Variants in TCERG1L observed in about 807,000 individuals in gnomAD.
The protein encoded by TCERG1L is transcription elongation regulator 1-like protein.
Under a neutral mutation model 56.3 loss-of-function variants are expected in TCERG1L, and 37 were observed. The ratio of observed to expected loss-of-function variants is 0.66; its 90% CI spans 0.51 to 0.87. The LOEUF (loss-of-function observed/expected upper bound fraction) is 0.87. TCERG1L is among the 40% of genes least tolerant of loss of function. The probability of loss-of-function intolerance (pLI) is 0.00; values close to 1 mark genes in which losing one functional copy is unlikely to be tolerated. For missense variants in TCERG1L, 799 were observed against 774.2 expected (o/e 1.03, Z -0.38); for synonymous variants, 324 against 326.3 (o/e 0.99, Z 0.08).
chr10:131,200,184 G>T (rs1286158339), intron 4 of TCERG1L, among the ~76,000 whole-genome samples: 1 of 152,226 alleles, frequency 6.6e-6, no homozygotes, highest in Admixed American at 6.5e-5. Context: ...GCATTCACAT[G>T]TTGGGTATAT....
intron 9 of TCERG1L, among the ~76,000 whole-genome samples, chr10:131,115,888 C>T (rs1845455254): frequency 6.6e-6 from 1 of 152,192 alleles, no homozygotes; most frequent in Non-Finnish European, 1.5e-5. Context: ...GGAGCTGGGT[C>T]CCCATGGCAG....
At chr10:131,116,191 C>T (rs949573973) in intron 9 of TCERG1L, among the ~76,000 whole-genome samples, 2 of 152,188 alleles carry the variant, frequency 1.3e-5, no homozygotes, top group African/African-American at 2.4e-5. Context: ...ACAAAATCCC[C>T]CCGACCCCCA....
intron 9 of TCERG1L, among the ~76,000 whole-genome samples, chr10:131,106,766 C>T (rs1488464077): frequency 1.3e-5 from 2 of 152,196 alleles, no homozygotes; most frequent in African/African-American, 4.8e-5. Context: ...AAACCCCATT[C>T]ACATTCTTAA....
At position 131,163,143 on chromosome 10, in the gene TCERG1L, G is replaced by A; in HGVS notation, c.1013C>T (p.Thr338Ile). The change falls in exon 6 of 12, where the codon ACC (threonine) becomes ATC (isoleucine). Residue 338 changes from threonine (T) to isoleucine (I), a missense_variant. Coordinates refer to ENST00000368642, the MANE Select transcript of TCERG1L (RefSeq NM_174937.4). ...TTACCAGGGGGATCCGGGCACCGGG[G>A]TGGAGGCCACTGGCCTGTTGCCTCT... ...TARGNRPVAS[T>I]PVPGSPWCVV... 6.3e-7 allele frequency: 1 copy of A among 1,580,494 alleles called. No individual in the cohort carries two copies. The highest frequency in any genetic ancestry group is 1.2e-5 in the South Asian group (1 of 85,894).
chr10:131,168,365 G>A (rs931772112), intron 4 of TCERG1L, among the ~76,000 whole-genome samples: 2 of 152,198 alleles, frequency 1.3e-5, no homozygotes, highest in African/African-American at 4.8e-5. Flanking sequence ...GCTCTGCATG[G>A]GGCCAGCTGT....
At position 131,130,956 on chromosome 10, in the gene TCERG1L, T is replaced by C. The variant is rs536259970; in HGVS notation, c.1259+3423A>G. ...CACCATAAATATGGGGTAACTGAAT[T>C]ATATGAAAAGAGTACTGAAAACATG... On this transcript the variant is annotated intron_variant, in intron 8 of 11. Transcript: ENST00000368642. 5.1e-4 allele frequency among the ~76,000 whole-genome samples: 78 copies of C among 152,030 alleles called. 1 individual carries two copies. Among genetic ancestry groups the C allele is most frequent in the African/African-American group, 1.5e-3 (63 of 41,470 alleles).
intron 4 of TCERG1L, among the ~76,000 whole-genome samples, chr10:131,178,763 G>C (rs1202983646): frequency 6.6e-6 from 1 of 152,186 alleles, no homozygotes; most frequent in African/African-American, 2.4e-5. Flanking sequence ...GCATCTGCCC[G>C]TTCTATGCGC....
At chr10:131,221,756 C>T (rs780613259) in intron 4 of TCERG1L, among the ~76,000 whole-genome samples, 13 of 152,172 alleles carry the variant, frequency 8.5e-5, no homozygotes, top group East Asian at 3.9e-4. Flanking sequence ...CGTAATCACA[C>T]GGAGGGCAGC....
chr10:131,310,322 G>T (rs1166284836), intron 1 of TCERG1L, among the ~76,000 whole-genome samples: 1 of 152,048 alleles, frequency 6.6e-6, no homozygotes, highest in Non-Finnish European at 1.5e-5. Context: ...AAAATAAACT[G>T]CATCACACAT....
chr10:131,239,309 T>C (rs1384585586), intron 4 of TCERG1L, among the ~76,000 whole-genome samples: 1 of 152,026 alleles, frequency 6.6e-6, no homozygotes, highest in South Asian at 2.1e-4. Flanking sequence ...GATAAACAGA[T>C]AGAAAAGAGC....
chr10:131,175,766 AC>A (rs145394282), intron 4 of TCERG1L, among the ~76,000 whole-genome samples: 45 of 152,294 alleles, frequency 3.0e-4, no homozygotes, highest in African/African-American at 1.0e-3. Flanking sequence ...GTAGGACTTT[AC>A]CCCAACCTTG....
At chr10:131,140,120 G>A (rs2133409363) in intron 7 of TCERG1L, among the ~76,000 whole-genome samples, 1 of 152,310 alleles carries the variant, frequency 6.6e-6, no homozygotes, top group Middle Eastern at 3.4e-3. Flanking sequence ...GGGATCCTAG[G>A]CACGCCTAAA....
At chr10:131,305,097 G>C (rs1374880558) in intron 3 of TCERG1L, among the ~76,000 whole-genome samples, 3 of 152,084 alleles carry the variant, frequency 2.0e-5, no homozygotes, top group African/African-American at 7.3e-5. Flanking sequence ...GGCCTTCCCT[G>C]AGGATCCCCC....
At chr10:131,158,953 G>A (rs1845950183) in intron 6 of TCERG1L, among the ~76,000 whole-genome samples, 1 of 152,214 alleles carries the variant, frequency 6.6e-6, no homozygotes, top group Non-Finnish European at 1.5e-5. Context: ...AGTGCCCGTG[G>A]GGTCCCCCAG....
intron 4 of TCERG1L, among the ~76,000 whole-genome samples, chr10:131,175,089 C>T (rs1439064810): frequency 1.3e-5 from 2 of 152,224 alleles, no homozygotes; most frequent in South Asian, 2.1e-4. Context: ...CACGGCTAGA[C>T]AGAATGGCCT....
chr10:131,311,254 A>T lies in TCERG1L; in HGVS notation c.342+40T>A. 8 of 1,177,754 alleles carry T rather than the reference A, an allele frequency of 6.8e-6. No individual in the cohort carries two copies. The highest frequency in any genetic ancestry group is 8.4e-6 in the Non-Finnish European group (8 of 952,168). The allele number at this position is 1,177,754 out of a possible 1,614,324, so 73.0% of individuals were successfully genotyped here. On this transcript the variant is annotated intron_variant, in intron 1 of 11. Transcript: ENST00000368642. The surrounding 1 kb of genome is among the most constrained non-coding windows in gnomAD (Gnocchi z 4.0). ...GGCAGGGCGCGCCCAGGAGCAGGGG[A>T]GACGGCGACCCGGGCCGAGGCGGGA...
chr10:131,242,446 G>A (rs1321901514), intron 4 of TCERG1L, among the ~76,000 whole-genome samples: 1 of 152,078 alleles, frequency 6.6e-6, no homozygotes, highest in East Asian at 1.9e-4. Context: ...GCAAACGACA[G>A]AGTGGCATGA....
intron 3 of TCERG1L, among the ~76,000 whole-genome samples, chr10:131,270,408 A>G (rs1012411166): frequency 2.0e-5 from 3 of 152,270 alleles, no homozygotes; most frequent in African/African-American, 4.8e-5. Context: ...GTAGTTGAGT[A>G]AATAAACAGT....
chr10:131,246,789 C>T lies in TCERG1L; in HGVS notation c.856+13470G>A, dbSNP rs563478773. 8.5e-5 allele frequency among the ~76,000 whole-genome samples: 13 copies of T among 152,324 alleles called. No homozygotes were observed. The East Asian group carries it at 2.5e-3, about 29-fold the overall frequency. On this transcript the variant is annotated intron_variant, in intron 4 of 11. Coordinates refer to ENST00000368642, the MANE Select transcript of TCERG1L (RefSeq NM_174937.4). ...GGCTGGGCCATCCCCAGAAGTGAGA[C>T]GGCCTCCCAGCCACACACCCCTACA...
Sources: gnomAD v4.1 joint callset for allele counts (sites outside exome capture counted in the v4.1 genomes callset) on GRCh38, gnomAD v4.1.1 for gene constraint, Gnocchi (gnomAD v3.1) non-coding constraint, MANE v1.5 for transcripts, NCBI Gene and HGNC (gene_info 2026-07-23, HGNC 2026-07-21) for gene names.